ABL1: variants seen among roughly 807,000 people sequenced by gnomAD.
The protein encoded by ABL1 is ABL proto-oncogene 1, non-receptor tyrosine kinase.
A neutral mutation model predicts 94.7 loss-of-function variants in ABL1; 11 were observed. The observed-to-expected ratio is 0.12, with a 90% confidence interval of 0.07 to 0.19. ABL1 has a LOEUF of 0.19. Ranked by LOEUF, ABL1 falls within the 10% of genes least tolerant of loss-of-function variation. ABL1 has a pLI of 1.00. For synonymous variants in ABL1, 656 were observed against 622.4 expected, an observed-to-expected ratio of 1.05 and a Z score of -0.80; for missense variants, 1,082 against 1,489.4, an observed-to-expected ratio of 0.73 and a Z score of 4.50.
rs34154339 is a variant in ABL1 at position 130,759,963 on chromosome 9, A to ATT, written c.136+45533_136+45534dup. Among the ~76,000 whole-genome samples, 288 of 93,004 alleles carry ATT rather than the reference A, an allele frequency of 3.1e-3. 4 individuals are homozygous for ATT. The highest frequency in any genetic ancestry group is 0.011 in the African/African-American group (236 of 21,306). 61.0% of individuals were successfully genotyped at this position (93,004 alleles called of 152,430 possible). On this transcript the variant is annotated intron_variant, in intron 1 of 10. Transcript: ENST00000372348. Reference sequence around the variant, plus strand: ...TTGTGCCACACATTTAGGTAATTTAATTTTTTTTTTTTTTTTTTTTTTTTT... The same window carrying ATT: ...TTGTGCCACACATTTAGGTAATTTAATTTTTTTTTTTTTTTTTTTTTTTTTTT...
Position 130,876,886 on chromosome 9 carries a change from G to A in ABL1, c.1271-1529G>A, listed in dbSNP as rs564059265. On this transcript the variant is annotated intron_variant, in intron 7 of 10. Coordinates refer to ENST00000318560, the MANE Select transcript of ABL1 (RefSeq NM_005157.6). The stretch of plus-strand genomic sequence containing the variant: ...CGAGTAGCTGAGACTATAGGCGCCC[G>A]CCGCCACACTCGGCCAATTTTTTTT... 3.6e-4 allele frequency among the ~76,000 whole-genome samples: 53 copies of A among 146,650 alleles called. 4 individuals carry two copies. Among genetic ancestry groups the A allele is most frequent in the Admixed American group, 2.4e-3 (36 of 14,790 alleles).
At chr9:130,767,336 C>T (rs527794120) in intron 1 of ABL1, among the ~76,000 whole-genome samples, 2 of 152,288 alleles carry the variant, frequency 1.3e-5, no homozygotes, top group Admixed American at 1.3e-4. Flanking sequence ...AGTGGAGAGT[C>T]TGACTTCTTG....
At chr9:130,859,622 C>T (rs180936341) in intron 3 of ABL1, among the ~76,000 whole-genome samples, 39 of 149,292 alleles carry the variant, frequency 2.6e-4, no homozygotes, top group Admixed American at 2.4e-3. Context: ...GTCTAAGCTC[C>T]GTTAGGCCTG....
chr9:130,730,763 G>A (rs917399588), intron 1 of ABL1, among the ~76,000 whole-genome samples: 2 of 151,230 alleles, frequency 1.3e-5, no homozygotes, highest in African/African-American at 4.9e-5. Context: ...GTAGAGTTGG[G>A]GTTTTACCAT....
chr9:130,845,142 C>G (rs538672638), intron 1 of ABL1, among the ~76,000 whole-genome samples: 1 of 152,324 alleles, frequency 6.6e-6, no homozygotes, highest in South Asian at 2.1e-4. Context: ...AGTTTTATTA[C>G]TTTCCACTTG....
upstream of ABL1, among the ~76,000 whole-genome samples, chr9:130,830,665 TAC>T (rs1453514009): frequency 6.6e-6 from 1 of 152,244 alleles, no homozygotes; most frequent in Non-Finnish European, 1.5e-5. Flanking sequence ...ACAGACCTGA[TAC>T]AGAAATAGTC....
At chr9:130,856,565 A>C (rs1830979319) in intron 3 of ABL1, among the ~76,000 whole-genome samples, 1 of 152,248 alleles carries the variant, frequency 6.6e-6, no homozygotes, top group Non-Finnish European at 1.5e-5. Flanking sequence ...TGGTTAAAAA[A>C]AATCAAAAGA....
intron 1 of ABL1, among the ~76,000 whole-genome samples, chr9:130,793,849 A>G (rs974720759): frequency 6.6e-6 from 1 of 152,072 alleles, no homozygotes; most frequent in African/African-American, 2.4e-5. Context: ...CTCCTGTCAG[A>G]TCAGTGGCGG....
intron 1 of ABL1, among the ~76,000 whole-genome samples, chr9:130,844,953 A>G (rs973435572): frequency 1.3e-5 from 2 of 152,236 alleles, no homozygotes; most frequent in African/African-American, 2.4e-5. Flanking sequence ...TTTTCCCATC[A>G]GAGGACATGG....
chr9:130,753,072 C>T (rs13292386), intron 1 of ABL1, among the ~76,000 whole-genome samples: 43,987 of 151,368 alleles, frequency 0.29, 8,638 homozygotes, highest in East Asian at 0.54. Flanking sequence ...CTGGCTAACA[C>T]GGTGAAACCC....
At chr9:130,844,654 A>G (rs1830733148) in intron 1 of ABL1, among the ~76,000 whole-genome samples, 1 of 152,186 alleles carries the variant, frequency 6.6e-6, no homozygotes, top group African/African-American at 2.4e-5. Flanking sequence ...TATAAAAATT[A>G]GCTGGGCATG....
At chr9:130,797,006 G>C (rs1467241757) in intron 1 of ABL1, among the ~76,000 whole-genome samples, 1 of 150,622 alleles carries the variant, frequency 6.6e-6, no homozygotes, top group Non-Finnish European at 1.5e-5. Flanking sequence ...GGGAGGCTGA[G>C]GCGGGTGGAT....
intron 1 of ABL1, among the ~76,000 whole-genome samples, chr9:130,725,774 T>C (rs986918597): frequency 2.0e-5 from 3 of 149,926 alleles, no homozygotes; most frequent in African/African-American, 7.3e-5. Flanking sequence ...TGTGTATATA[T>C]ATATACACAC....
intron 1 of ABL1, among the ~76,000 whole-genome samples, chr9:130,850,568 A>G (rs1025666605): frequency 2.0e-5 from 3 of 152,014 alleles, no homozygotes; most frequent in African/African-American, 7.2e-5. Flanking sequence ...GTGCAGTGGC[A>G]TGATCTCAGC....
intron 1 of ABL1, among the ~76,000 whole-genome samples, chr9:130,733,172 A>G (rs1831688423): frequency 6.6e-6 from 1 of 152,202 alleles, no homozygotes; most frequent in East Asian, 1.9e-4. Context: ...ATTTACAGTA[A>G]TATCTAAACT....
At chr9:130,853,306 G>T (rs866836775) in intron 1 of ABL1, among the ~76,000 whole-genome samples, 2 of 149,086 alleles carry the variant, frequency 1.3e-5, no homozygotes, top group Admixed American at 1.4e-4. Context: ...CTCCCAAGTA[G>T]CTGGGACTAC....
At chr9:130,805,663 A>G (rs1347528383) in intron 1 of ABL1, among the ~76,000 whole-genome samples, 5 of 152,184 alleles carry the variant, frequency 3.3e-5, no homozygotes, top group Non-Finnish European at 7.3e-5. Flanking sequence ...AGGGGAGAAG[A>G]CTTAGATGCA....
intron 1 of ABL1, among the ~76,000 whole-genome samples, chr9:130,812,620 A>G (rs1004187186): frequency 2.6e-5 from 4 of 152,262 alleles, no homozygotes; most frequent in African/African-American, 9.6e-5. Flanking sequence ...ATAAAGAGAT[A>G]CATTCATCAA....
intron 6 of ABL1, among the ~76,000 whole-genome samples, chr9:130,873,413 C>T (rs180842055): frequency 2.6e-5 from 4 of 152,376 alleles, no homozygotes; most frequent in Admixed American, 1.3e-4. Flanking sequence ...GGCCAGCGCC[C>T]AGCAGTAATG....
Sources: allele counts gnomAD v4.1 joint callset (sites outside exome capture counted in the v4.1 genomes callset), GRCh38; gene constraint gnomAD v4.1.1; transcripts MANE v1.5; gene names NCBI Gene and HGNC (gene_info 2026-07-23, HGNC 2026-07-21).